The following CGGBP1 variants were observed in gnomAD, a reference collection of about 807,000 sequenced individuals.
The protein encoded by CGGBP1 is CGG triplet repeat-binding protein 1.
Under a neutral mutation model 11.4 loss-of-function variants are expected in CGGBP1, and 4 were observed. That is an observed-to-expected ratio of 0.35 (90% CI 0.17 to 0.80). The LOEUF (loss-of-function observed/expected upper bound fraction) is 0.80. Ranked by LOEUF, CGGBP1 falls within the 30% of genes least tolerant of loss-of-function variation. The probability of loss-of-function intolerance (pLI) is 0.52; values close to 1 mark genes in which losing one functional copy is unlikely to be tolerated. For synonymous variants in CGGBP1, 76 were observed against 74.1 expected, an observed-to-expected ratio of 1.03 and a Z score of -0.13; for missense variants, 135 against 202.1, an observed-to-expected ratio of 0.67 and a Z score of 2.01.
Position 88,054,432 on chromosome 3 carries a change from AT to A in CGGBP1, c.*1040del, listed in dbSNP as rs1490979003. 1.3e-5 allele frequency: 2 copies of A among 152,204 alleles called. No homozygotes were observed. Among genetic ancestry groups the A allele is most frequent in the African/African-American group, 4.8e-5 (2 of 41,464 alleles). The allele number at this position is 152,204 out of a possible 1,614,324, so 9.4% of individuals were successfully genotyped here. ...TCTCCAATACAAAAAACCTGCCAGA[AT>A]TTCTAGACAATTGTTTACCATCCAT... On this transcript the variant is annotated 3_prime_UTR_variant, in exon 4 of 4. Coordinates refer to ENST00000482016, the MANE Select transcript of CGGBP1 (RefSeq NM_001008390.2).
At chr3:88,100,836 G>A (rs1449626243) in intron 2 of CGGBP1, among the ~76,000 whole-genome samples, 2 of 152,176 alleles carry the variant, frequency 1.3e-5, no homozygotes, top group African/African-American at 4.8e-5. Flanking sequence ...GGGAGGGATA[G>A]CATCAGGAGA....
intron 2 of CGGBP1, among the ~76,000 whole-genome samples, chr3:88,065,572 T>G (rs971710446): frequency 1.3e-5 from 2 of 152,164 alleles, no homozygotes; most frequent in African/African-American, 2.4e-5. Context: ...TACCAAAGTG[T>G]TGTTAACTTT....
At chr3:88,075,848 CA>C (rs1707772524) in intron 2 of CGGBP1, among the ~76,000 whole-genome samples, 1 of 152,018 alleles carries the variant, frequency 6.6e-6, no homozygotes, top group South Asian at 2.1e-4. Flanking sequence ...CCAAGTGCAT[CA>C]AAAAGCATTC....
At chr3:88,062,298 C>T (rs1358587099), upstream of CGGBP1, among the ~76,000 whole-genome samples, 1 of 152,094 alleles carries the variant, frequency 6.6e-6, no homozygotes. Context: ...TCTTAGTTTC[C>T]ATTATGTAGA....
chr3:88,083,218 A>G (rs9872602), intron 2 of CGGBP1, among the ~76,000 whole-genome samples: 119,186 of 152,172 alleles, frequency 0.78, 47,607 homozygotes, highest in South Asian at 0.91. Flanking sequence ...AACTTTAGGA[A>G]GACAAAATTC....
intron 2 of CGGBP1, among the ~76,000 whole-genome samples, chr3:88,083,044 T>C (rs775899013): frequency 8.1e-5 from 12 of 148,640 alleles, no homozygotes; most frequent in Non-Finnish European, 1.6e-4. Context: ...TCCTCCTCAC[T>C]CCTCCTCCCT....
intron 2 of CGGBP1, chr3:88,140,717 AGAAC>A: frequency 6.2e-7 from 1 of 1,613,784 alleles, no homozygotes; most frequent in Non-Finnish European, 8.5e-7. Flanking sequence ...TTGTACCACA[AGAAC>A]ACAACACCTT....
At chr3:88,104,963 AC>A (rs1704644123) in intron 2 of CGGBP1, among the ~76,000 whole-genome samples, 2 of 152,228 alleles carry the variant, frequency 1.3e-5, no homozygotes, top group African/African-American at 4.8e-5. Flanking sequence ...ACATAGTGAA[AC>A]CCTGTCTCTA....
At chr3:88,144,130 A>G (rs1025322094) in intron 1 of CGGBP1, 1 of 152,382 alleles carries the variant, frequency 6.6e-6, no homozygotes, top group African/African-American at 2.4e-5. Context: ...TGAAGAAAAT[A>G]GCAAATCTGA....
At chr3:88,077,695 C>G (rs1326897752) in intron 2 of CGGBP1, among the ~76,000 whole-genome samples, 3 of 145,176 alleles carry the variant, frequency 2.1e-5, no homozygotes, top group Non-Finnish European at 3.1e-5. Context: ...GTAATACTTA[C>G]TATTTTTATG....
chr3:88,091,794 T>C (rs987972103), intron 2 of CGGBP1, among the ~76,000 whole-genome samples: 9 of 152,192 alleles, frequency 5.9e-5, no homozygotes, highest in Admixed American at 2.0e-4. Context: ...CCTGCCGCCA[T>C]GTAAGACATG....
chr3:88,095,735 C>G, intron 2 of CGGBP1: 1 of 391,030 alleles, frequency 2.6e-6, no homozygotes, highest in South Asian at 2.0e-5. Context: ...TCTCCCCAGG[C>G]TTGTTATTTT....
At chr3:88,107,471 G>A (rs1352692606) in intron 2 of CGGBP1, among the ~76,000 whole-genome samples, 1 of 152,106 alleles carries the variant, frequency 6.6e-6, no homozygotes, top group Non-Finnish European at 1.5e-5. Context: ...TTAGCTAGAT[G>A]TATAATTGTT....
intron 2 of CGGBP1, among the ~76,000 whole-genome samples, chr3:88,069,766 T>C (rs1707405386): frequency 6.6e-6 from 1 of 152,224 alleles, no homozygotes; most frequent in Non-Finnish European, 1.5e-5. Flanking sequence ...ATTATAGCAG[T>C]TCTCAAAATA....
intron 2 of CGGBP1, among the ~76,000 whole-genome samples, chr3:88,086,915 T>C (rs1472502708): frequency 6.6e-6 from 1 of 152,056 alleles, no homozygotes; most frequent in Non-Finnish European, 1.5e-5. Flanking sequence ...CCCAAGTAGC[T>C]GGGACTACAG....
chr3:88,137,509 A>G (rs1706870016), intron 2 of CGGBP1, among the ~76,000 whole-genome samples: 1 of 152,312 alleles, frequency 6.6e-6, no homozygotes, highest in East Asian at 1.9e-4. Flanking sequence ...AGACACTGTC[A>G]CCTGTAATTT....
At chr3:88,095,963 CT>C (rs1234500311) in intron 2 of CGGBP1, 1 of 323,178 alleles carries the variant, frequency 3.1e-6, no homozygotes, top group African/African-American at 2.3e-5. Flanking sequence ...GCTTGGTTTT[CT>C]TTCCCGTGTT....
chr3:88,138,259 T>C (rs573140764), intron 2 of CGGBP1, among the ~76,000 whole-genome samples: 2 of 152,274 alleles, frequency 1.3e-5, no homozygotes, highest in South Asian at 4.1e-4. Flanking sequence ...AAAGTTCCCA[T>C]AAGCAGTTTT....
At chr3:88,060,327 A>G (rs1706795058), upstream of CGGBP1, among the ~76,000 whole-genome samples, 1 of 152,118 alleles carries the variant, frequency 6.6e-6, no homozygotes, top group Non-Finnish European at 1.5e-5. Flanking sequence ...CAGGGGTTTG[A>G]TGTTGTTCAA....
Sources: gnomAD v4.1 joint callset for allele counts (sites outside exome capture counted in the v4.1 genomes callset) on GRCh38, gnomAD v4.1.1 for gene constraint, MANE v1.5 for transcripts, NCBI Gene and HGNC (gene_info 2026-07-23, HGNC 2026-07-21) for gene names.